Variants in PRKCH observed in about 807,000 individuals in gnomAD.
The protein encoded by PRKCH is protein kinase C eta type.
Under a neutral mutation model 82.5 loss-of-function variants are expected in PRKCH, and 28 were observed. The observed-to-expected ratio is 0.34, with a 90% CI of 0.25 to 0.47. The LOEUF is 0.47. Among genes scored for constraint, PRKCH ranks in the 20% least tolerant of loss-of-function variants. The pLI is 1.00. For synonymous variants in PRKCH, 322 were observed against 327.4 expected (o/e 0.98, Z 0.18); for missense variants, 705 against 881.8 (o/e 0.80, Z 2.54).
At chr14:61,461,262 G>A (rs17098407) in intron 9 of PRKCH, among the ~76,000 whole-genome samples, 1 of 152,044 alleles carries the variant, frequency 6.6e-6, no homozygotes, top group East Asian at 1.9e-4. Flanking sequence ...CGACTTCCTT[G>A]GCTGGGCACT....
intron 1 of PRKCH, among the ~76,000 whole-genome samples, chr14:61,247,093 C>T (rs927789223): frequency 1.3e-5 from 2 of 152,200 alleles, no homozygotes; most frequent in Admixed American, 1.3e-4. Context: ...CCCACCTTCA[C>T]TGGGAACACC....
intron 1 of PRKCH, among the ~76,000 whole-genome samples, chr14:61,375,455 G>C (rs909790332): frequency 2.0e-5 from 3 of 151,950 alleles, no homozygotes; most frequent in Non-Finnish European, 4.4e-5. Context: ...TTCTGTATTA[G>C]TCTATTCTCA....
intron 2 of PRKCH, among the ~76,000 whole-genome samples, chr14:61,439,762 A>G (rs1163317216): frequency 6.6e-6 from 1 of 152,116 alleles, no homozygotes; most frequent in East Asian, 1.9e-4. Flanking sequence ...TAATGGTTGG[A>G]AGGAAAGAGG....
At chr14:61,485,344 C>G (rs549331804) in intron 9 of PRKCH, among the ~76,000 whole-genome samples, 158 bp from the exon 10 acceptor site, 11 of 152,220 alleles carry the variant, frequency 7.2e-5, no homozygotes, top group African/African-American at 2.6e-4. Flanking sequence ...TCCCACCAGA[C>G]CGGTTGCACT....
At chr14:61,466,342 G>A (rs1885254271) in intron 9 of PRKCH, among the ~76,000 whole-genome samples, 1 of 152,134 alleles carries the variant, frequency 6.6e-6, no homozygotes, top group Non-Finnish European at 1.5e-5. Flanking sequence ...CATTTATGGC[G>A]AAATTCACAT....
At chr14:61,478,771 G>A (rs1327598316) in intron 9 of PRKCH, among the ~76,000 whole-genome samples, 1 of 152,052 alleles carries the variant, frequency 6.6e-6, no homozygotes, top group Non-Finnish European at 1.5e-5. Context: ...GAGGTTGGAA[G>A]GATCACTTAA....
chr14:61,222,461 C>T (rs1343584108), intron 1 of PRKCH, among the ~76,000 whole-genome samples: 1 of 152,114 alleles, frequency 6.6e-6, no homozygotes, highest in Admixed American at 6.5e-5. Flanking sequence ...CCCTCATATC[C>T]ATGGACTTAG....
intron 10 of PRKCH, among the ~76,000 whole-genome samples, chr14:61,517,721 C>T (rs908248995): frequency 1.3e-5 from 2 of 152,186 alleles, no homozygotes; most frequent in African/African-American, 4.8e-5. Flanking sequence ...CTGTCCTTGC[C>T]CATGCTTATT....
intron 1 of PRKCH, among the ~76,000 whole-genome samples, chr14:61,236,633 G>A (rs2044790132): frequency 6.6e-6 from 1 of 151,198 alleles, no homozygotes; most frequent in Admixed American, 6.6e-5. Flanking sequence ...CTTGAACCTG[G>A]GAGGGGGAGG....
At chr14:61,353,835 A>G (rs1017956510) in intron 1 of PRKCH, 8 of 152,172 alleles carry the variant, frequency 5.3e-5, no homozygotes, top group African/African-American at 1.9e-4. Flanking sequence ...TACATGGGAC[A>G]CTGAGACAGG....
chr14:61,283,676 G>T (rs1043572572), intron 1 of PRKCH, among the ~76,000 whole-genome samples: 2 of 152,034 alleles, frequency 1.3e-5, no homozygotes, highest in African/African-American at 2.4e-5. Context: ...ACGAGATCTT[G>T]TTTCTACAAA....
chr14:61,268,608 C>T (rs11845041), intron 1 of PRKCH, among the ~76,000 whole-genome samples: 37,185 of 152,008 alleles, frequency 0.24, 7,059 homozygotes, highest in African/African-American at 0.54. Flanking sequence ...GCGGAGGTTA[C>T]AGAGAGCCGA....
In PRKCH at chr14:61,280,987, T is replaced by G. The variant is rs2045258594; in HGVS notation, c.-19+93319T>G. On this transcript the variant is annotated intron_variant, in intron 1 of 3. Coordinates refer to the PRKCH transcript ENST00000555185. The surrounding 1 kb of genome is among the most constrained non-coding windows in gnomAD (Gnocchi z 5.0). The stretch of plus-strand genomic sequence containing the variant: ...CTCCTTGATGCCGTTGGAGGAGTAG[T>G]AGAGGCCCAGGCCCAGGCCGATGAA... 13 of 1,542,176 alleles carry G rather than the reference T, an allele frequency of 8.4e-6. No individual in the cohort carries two copies. The highest frequency in any genetic ancestry group is 1.4e-5 in the African/African-American group (1 of 72,554).
chr14:61,253,815 G>A (rs2044970206), intron 1 of PRKCH, among the ~76,000 whole-genome samples: 1 of 152,166 alleles, frequency 6.6e-6, no homozygotes, highest in South Asian at 2.1e-4. Flanking sequence ...ACTGCAAAGT[G>A]TTACTAGGAG....
At chr14:61,402,924 T>C (rs1003285728) in intron 2 of PRKCH, among the ~76,000 whole-genome samples, 2 of 151,962 alleles carry the variant, frequency 1.3e-5, no homozygotes, top group Admixed American at 1.3e-4. Flanking sequence ...ATGTGCACAA[T>C]GTGCAGGTTA....
chr14:61,343,548 A>G (rs552435335), intron 1 of PRKCH, among the ~76,000 whole-genome samples: 4 of 152,302 alleles, frequency 2.6e-5, no homozygotes, highest in African/African-American at 9.6e-5. Flanking sequence ...AATGCAGGGC[A>G]CGATGATAGA....
At chr14:61,500,663 G>A (rs913453136) in intron 10 of PRKCH, among the ~76,000 whole-genome samples, 6 of 152,124 alleles carry the variant, frequency 3.9e-5, no homozygotes, top group Non-Finnish European at 8.8e-5. Flanking sequence ...GCCTGTATGT[G>A]CACATGAAAA....
At chr14:61,465,004 A>G (rs1170156854) in intron 9 of PRKCH, among the ~76,000 whole-genome samples, 2 of 152,162 alleles carry the variant, frequency 1.3e-5, no homozygotes, top group Non-Finnish European at 2.9e-5. Context: ...CATTCCCACC[A>G]CCTGTTGGCC....
chr14:61,255,591 C>T lies in PRKCH; in HGVS notation c.-19+67923C>T, dbSNP rs182300224. Among the ~76,000 whole-genome samples the T allele has an allele frequency of 1.3e-3, 193 of 152,260 alleles. 6 individuals are homozygous for T. Among genetic ancestry groups the T allele is most frequent in the Non-Finnish European group, 2.5e-4 (17 of 68,010 alleles). On this transcript the variant is annotated intron_variant, in intron 1 of 3. Coordinates refer to the PRKCH transcript ENST00000555185. Reference sequence around the variant, plus strand: ...AATACAGATTAAAATAATAATAATACTTAGCATTTCCACCCCACCTTTCAT... The same window carrying T: ...AATACAGATTAAAATAATAATAATATTTAGCATTTCCACCCCACCTTTCAT...
Sources: gnomAD v4.1 joint callset for allele counts (sites outside exome capture counted in the v4.1 genomes callset) on GRCh38, gnomAD v4.1.1 for gene constraint, Gnocchi (gnomAD v3.1) non-coding constraint, MANE v1.5 for transcripts, NCBI Gene and HGNC (gene_info 2026-07-23, HGNC 2026-07-21) for gene names.